Variants in KIF6 observed in about 807,000 individuals in gnomAD.
The protein encoded by KIF6 is kinesin-like protein KIF6.
KIF6 carries 106 observed loss-of-function variants against 112.7 expected under a neutral mutation model. The ratio of observed to expected loss-of-function variants is 0.94; its 90% CI spans 0.80 to 1.11. The LOEUF is 1.11. Ranked by LOEUF, KIF6 falls within the 50% of genes least tolerant of loss-of-function variation. The pLI is 0.00. For missense variants in KIF6, 929 were observed against 964.0 expected (o/e 0.96, Z 0.48); for synonymous variants, 339 against 339.9 (o/e 1.00, Z 0.03).
intron 3 of KIF6, among the ~76,000 whole-genome samples, chr6:39,709,950 CTTTAT>C (rs967162655): frequency 2.0e-5 from 3 of 152,120 alleles, no homozygotes; most frequent in African/African-American, 7.2e-5. Context: ...ATAAATGACA[CTTTAT>C]TTTATCAGTA....
chr6:39,663,720 T>TA (rs961668415), intron 3 of KIF6, among the ~76,000 whole-genome samples: 9 of 151,680 alleles, frequency 5.9e-5, no homozygotes, highest in South Asian at 2.1e-4. Context: ...AGCAGTAAGT[T>TA]AAAAAAAATA....
At chr6:39,443,268 T>C (rs924074136) in intron 13 of KIF6, among the ~76,000 whole-genome samples, 1 of 151,790 alleles carries the variant, frequency 6.6e-6, no homozygotes, top group Non-Finnish European at 1.5e-5. Context: ...CAGGGTCCTG[T>C]TGAGTGGCTT....
intron 13 of KIF6, among the ~76,000 whole-genome samples, chr6:39,508,532 T>A (rs2150505444): frequency 6.6e-6 from 1 of 152,178 alleles, no homozygotes; most frequent in East Asian, 1.9e-4. Flanking sequence ...TCCCACAGTC[T>A]TTGCAAATGG....
At chr6:39,353,862 A>G (rs1318121045) in intron 19 of KIF6, 2 of 500,422 alleles carry the variant, frequency 4.0e-6, no homozygotes, top group Non-Finnish European at 7.2e-6. Flanking sequence ...GCCAGCCACA[A>G]TGGGCACTAT....
At chr6:39,698,802 T>C (rs760308323) in intron 3 of KIF6, among the ~76,000 whole-genome samples, 1 of 152,238 alleles carries the variant, frequency 6.6e-6, no homozygotes, top group Non-Finnish European at 1.5e-5. Flanking sequence ...CTAAATATGC[T>C]ACAATTACAT....
chr6:39,594,912 C>T (rs1320265140), intron 7 of KIF6, among the ~76,000 whole-genome samples: 1 of 151,962 alleles, frequency 6.6e-6, no homozygotes, highest in Non-Finnish European at 1.5e-5. Context: ...CCCTTATACT[C>T]AAAAAGCTAA....
intron 13 of KIF6, among the ~76,000 whole-genome samples, chr6:39,509,381 T>G (rs923272003): frequency 2.0e-5 from 3 of 152,190 alleles, no homozygotes; most frequent in Non-Finnish European, 4.4e-5. Context: ...GAGAATGAGT[T>G]TGATGAGTTG....
chr6:39,478,907 A>G (rs1774620342), intron 13 of KIF6, among the ~76,000 whole-genome samples: 1 of 151,858 alleles, frequency 6.6e-6, no homozygotes, highest in South Asian at 2.1e-4. Flanking sequence ...TCTTCTTTCA[A>G]GAATTGTCTA....
At chr6:39,627,969 C>G (rs929412164) in intron 5 of KIF6, among the ~76,000 whole-genome samples, 2 of 152,062 alleles carry the variant, frequency 1.3e-5, no homozygotes, top group African/African-American at 2.4e-5. Context: ...TTTCTAAATA[C>G]AGAATAGGTT....
In KIF6 at chr6:39,725,397, C is replaced by T; in HGVS notation, c.-87G>A. On this transcript the variant is annotated 5_prime_UTR_variant, in exon 1 of 23. Coordinates refer to ENST00000287152, the MANE Select transcript of KIF6 (RefSeq NM_145027.6). ...CCCACCACCTCCGGCGACCCACAGT[C>T]TTAGCAACAGTAGCTAGGGACACTA... 1 of 1,056,152 alleles carries T rather than the reference C, an allele frequency of 9.5e-7. No homozygotes were observed. Among genetic ancestry groups the T allele is most frequent in the Non-Finnish European group, 1.4e-6 (1 of 697,648 alleles). The allele number at this position is 1,056,152 out of a possible 1,614,324, so 65.4% of individuals were successfully genotyped here. A position where few individuals can be genotyped will look rare whatever the true frequency, so the allele number is the denominator to read the frequency against.
intron 10 of KIF6, among the ~76,000 whole-genome samples, chr6:39,557,549 G>A (rs1582130124): frequency 6.6e-6 from 1 of 152,058 alleles, no homozygotes; most frequent in East Asian, 1.9e-4. Flanking sequence ...GGAAGATGCA[G>A]GATTGTAATC....
At chr6:39,488,656 A>G (rs1383049814) in intron 13 of KIF6, among the ~76,000 whole-genome samples, 1 of 152,208 alleles carries the variant, frequency 6.6e-6, no homozygotes, top group Admixed American at 6.5e-5. Flanking sequence ...GGCACTCAGT[A>G]TGCAATTGGT....
intron 9 of KIF6, among the ~76,000 whole-genome samples, chr6:39,579,845 C>A (rs1781190814): frequency 6.6e-6 from 1 of 151,570 alleles, no homozygotes; most frequent in African/African-American, 2.4e-5. Context: ...TATTTCTGGG[C>A]TATTGGTTAA....
chr6:39,533,258 CA>C (rs1296939119), intron 13 of KIF6, among the ~76,000 whole-genome samples: 2 of 152,200 alleles, frequency 1.3e-5, no homozygotes, highest in Non-Finnish European at 2.9e-5. Context: ...CTTTCCGAGT[CA>C]AAGAAAGGGG....
intron 10 of KIF6, among the ~76,000 whole-genome samples, chr6:39,550,614 T>C (rs1779321182): frequency 6.6e-6 from 1 of 152,170 alleles, no homozygotes. Flanking sequence ...TGGAAATTGG[T>C]ATTCCAGAGC....
intron 10 of KIF6, among the ~76,000 whole-genome samples, chr6:39,558,273 T>G (rs2150591040): frequency 6.6e-6 from 1 of 152,238 alleles, no homozygotes; most frequent in African/African-American, 2.4e-5. Flanking sequence ...ATGGTCCTGC[T>G]TACAGTGGTT....
rs1562099537 is a variant in KIF6, at chr6:39,334,769, AGTGTGTGTGTGTATGTGTGT to A, written c.*1743_*1762del. The A allele has an allele frequency of 6.6e-6, 1 of 150,902 alleles. No individual in the cohort carries two copies. The highest frequency in any genetic ancestry group is 2.5e-5 in the African/African-American group (1 of 40,494). The allele number at this position is 150,902 out of a possible 1,614,324, so 9.3% of individuals were successfully genotyped here. On this transcript the variant is annotated 3_prime_UTR_variant, in exon 23 of 23. Transcript: ENST00000287152. ...CCATGCCATCTTCAGGGCTCTTGAG[AGTGTGTGTGTGTATGTGTGT>A]GTGTGTGTGCAGTTACATGTGTGTT...
In KIF6 at chr6:39,446,621, G is replaced by A. The variant is rs575055421; in HGVS notation, c.1646-15460C>T. ...CAATTCTCCTGCCTCAGCTTCCTGA[G>A]CAGCTGGGACTACAGGTGCCACCAG... On this transcript the variant is annotated intron_variant, in intron 13 of 22. Transcript: ENST00000287152. 1.4e-4 allele frequency among the ~76,000 whole-genome samples: 21 copies of A among 152,210 alleles called. No individual in the cohort carries two copies. The South Asian group carries it at 4.4e-3, about 32-fold the overall frequency.
At chr6:39,495,836 G>A (rs572139418) in intron 13 of KIF6, among the ~76,000 whole-genome samples, 6 of 152,258 alleles carry the variant, frequency 3.9e-5, no homozygotes, top group African/African-American at 1.4e-4. Flanking sequence ...TCCGGATGGG[G>A]GAGGGGATGG....
Sources: gnomAD v4.1 joint callset for allele counts (sites outside exome capture counted in the v4.1 genomes callset) on GRCh38, gnomAD v4.1.1 for gene constraint, MANE v1.5 for transcripts, NCBI Gene and HGNC (gene_info 2026-07-23, HGNC 2026-07-21) for gene names.